Variants in CUX1 observed in about 807,000 individuals in gnomAD.
CUX1 encodes the protein protein CASP.
A neutral mutation model predicts 158.8 loss-of-function variants in CUX1; 31 were observed. The ratio of observed to expected loss-of-function variants is 0.20; its 90% CI spans 0.15 to 0.26. CUX1 has a LOEUF of 0.26. Ranked by LOEUF, CUX1 falls within the 10% of genes least tolerant of loss-of-function variation. The pLI is 1.00. For synonymous variants in CUX1, 879 were observed against 862.1 expected (o/e 1.02, Z -0.34); for missense variants, 1,589 against 2,014.6 (o/e 0.79, Z 4.04).
chr7:102,196,026 G>C (rs1471661757), intron 14 of CUX1, among the ~76,000 whole-genome samples: 1 of 152,214 alleles, frequency 6.6e-6, no homozygotes, highest in African/African-American at 2.4e-5. Flanking sequence ...TCCTTGGTCA[G>C]GTTTCCCCTG....
intron 1 of CUX1, among the ~76,000 whole-genome samples, chr7:101,819,626 T>C (rs1362103268): frequency 6.6e-6 from 1 of 152,208 alleles, no homozygotes; most frequent in Non-Finnish European, 1.5e-5. Context: ...TAGTACCCTT[T>C]ATAAAAGAGC....
chr7:102,157,507 C>T (rs574301824), intron 8 of CUX1, among the ~76,000 whole-genome samples: 50 of 152,198 alleles, frequency 3.3e-4, no homozygotes, highest in Middle Eastern at 3.4e-3. Flanking sequence ...AGGCCGGGCG[C>T]GGTGGCTTAT....
chr7:102,278,642 AAT>A (rs1165564831), intron 18 of CUX1, among the ~76,000 whole-genome samples: 1 of 88,204 alleles, frequency 1.1e-5, no homozygotes, highest in Non-Finnish European at 2.3e-5. Context: ...AATAAAATAA[AAT>A]AAAATAAAAT....
chr7:101,915,668 C>T (rs1284390373), intron 1 of CUX1, among the ~76,000 whole-genome samples: 3 of 152,066 alleles, frequency 2.0e-5, no homozygotes, highest in Non-Finnish European at 4.4e-5. Flanking sequence ...CGGAATGCCC[C>T]GAGGAGGGGA....
At chr7:102,133,005 G>A (rs1563289734) in intron 8 of CUX1, among the ~76,000 whole-genome samples, 1 of 152,036 alleles carries the variant, frequency 6.6e-6, no homozygotes. Flanking sequence ...CTCACTTCAA[G>A]ATCTTCTGAA....
chr7:102,181,332 T>G (rs1793063196), intron 11 of CUX1, among the ~76,000 whole-genome samples: 1 of 152,192 alleles, frequency 6.6e-6, no homozygotes, highest in South Asian at 2.1e-4. Context: ...TAATCTCATT[T>G]TCTCATGTTA....
chr7:102,026,792 C>T (rs1365735225), intron 2 of CUX1, among the ~76,000 whole-genome samples: 1 of 137,272 alleles, frequency 7.3e-6, no homozygotes, highest in African/African-American at 2.8e-5. Context: ...TGCACTCCAG[C>T]CTAGGCAACA....
chr7:101,834,229 A>G (rs1476234758), intron 1 of CUX1, among the ~76,000 whole-genome samples: 1 of 125,834 alleles, frequency 7.9e-6, no homozygotes, highest in Non-Finnish European at 1.5e-5. Context: ...GCTGGAGTGC[A>G]GTGGCACTAT....
Position 102,254,703 on chromosome 7 carries a change from A to G in CUX1, c.*5661A>G. 2.0e-6 allele frequency: 2 copies of G among 985,504 alleles called. No individual in the cohort carries two copies. Among genetic ancestry groups the G allele is most frequent in the Non-Finnish European group, 2.4e-6 (2 of 829,978 alleles). The allele number at this position is 985,504 out of a possible 1,614,324, so 61.0% of individuals were successfully genotyped here. On this transcript the variant is annotated 3_prime_UTR_variant, in exon 24 of 24. Transcript: ENST00000292535. ...CTGTGGTTTCACCTGGGCATCGACG[A>G]CATTAGGGAAGCCTTTGTGACCACA...
intron 1 of CUX1, among the ~76,000 whole-genome samples, chr7:101,908,261 G>A (rs1802980685): frequency 6.6e-6 from 1 of 152,196 alleles, no homozygotes; most frequent in South Asian, 2.1e-4. Context: ...CCATTACTGA[G>A]CACAGGCTCA....
chr7:101,938,278 A>G (rs564542656), intron 2 of CUX1, among the ~76,000 whole-genome samples: 29 of 152,144 alleles, frequency 1.9e-4, no homozygotes, highest in Non-Finnish European at 3.7e-4. Context: ...ACACCCAGCT[A>G]ATTTTTTGCA....
At chr7:101,920,415 C>A (rs1472088871) in intron 2 of CUX1, among the ~76,000 whole-genome samples, 1 of 152,118 alleles carries the variant, frequency 6.6e-6, no homozygotes, top group East Asian at 1.9e-4. Context: ...AGCCACCGCG[C>A]CTGGCCGTAG....
chr7:101,966,064 GTTTGTTTTGT>G (rs113064739), intron 2 of CUX1, among the ~76,000 whole-genome samples: 1 of 151,910 alleles, frequency 6.6e-6, no homozygotes, highest in Non-Finnish European at 1.5e-5. Flanking sequence ...TGATAATAGT[GTTTGTTTTGT>G]TTTGTTTTGG....
At chr7:102,222,814 T>TTTTTTTTTTTTTTTTTTTTTTG (rs1554527479) in intron 20 of CUX1, among the ~76,000 whole-genome samples, 1 of 42,358 alleles carries the variant, frequency 2.4e-5, no homozygotes, top group African/African-American at 8.1e-5. Context: ...ACCGTATCTT[T>TTTTTTTTTTTTTTTTTTTTTTG]TTTTTTTTTT....
At chr7:101,845,160 T>C (rs1584739044) in intron 1 of CUX1, among the ~76,000 whole-genome samples, 2 of 150,308 alleles carry the variant, frequency 1.3e-5, no homozygotes, top group African/African-American at 2.4e-5. Context: ...CTCTCTCTCT[T>C]TTTGAAATGG....
At chr7:102,230,498 T>G (rs372415143) in intron 21 of CUX1, among the ~76,000 whole-genome samples, 4 of 128,040 alleles carry the variant, frequency 3.1e-5, no homozygotes, top group Non-Finnish European at 6.8e-5. Context: ...AAAAAAAAAT[T>G]AAAAAAAAAA....
intron 20 of CUX1, among the ~76,000 whole-genome samples, chr7:102,207,692 TC>T (rs1404159602): frequency 1.3e-5 from 2 of 151,982 alleles, no homozygotes; most frequent in Non-Finnish European, 2.9e-5. Flanking sequence ...TCTCAGGTGA[TC>T]CCCCCACCTT....
rs1824234308 is a variant in CUX1 at position 102,057,003 on chromosome 7, G to A, written c.190-13336G>A. On this transcript the variant is annotated intron_variant, in intron 3 of 23. Coordinates refer to ENST00000292535, the MANE Select transcript of CUX1 (RefSeq NM_181552.4). ...TGCAACCTCTGCCTCCTGGGTTCAA[G>A]TGATTCTCCTGCCTCAGCCTCCCGA... 2.0e-5 allele frequency among the ~76,000 whole-genome samples: 3 copies of A among 151,706 alleles called. No homozygotes were observed. In the South Asian group the frequency reaches 6.2e-4, roughly 32 times the overall value.
At position 102,200,083 on chromosome 7, in the gene CUX1, C is replaced by T; in HGVS notation, c.1973C>T (p.Thr658Ile). Residue 658 changes from threonine (T) to isoleucine (I), a missense_variant, in exon 17 of 24, where the codon ACC becomes ATC. Thr to Ile is a moderately conservative substitution (Grantham distance 89). Around this residue, in one of 8 missense-constraint regions of CUX1, gnomAD observed 337 missense variants for 409.3 expected, o/e 0.82. Transcript: ENST00000292535. ...RRNGSEGNIT[T>I]RIRASETGSD... ...CTTCTCCCCACAGGTAACATCACCACCCGGATCCGAGCCTCGGAGACTGGC... is the reference window on the plus strand; with the variant it reads ...CTTCTCCCCACAGGTAACATCACCATCCGGATCCGAGCCTCGGAGACTGGC... The T allele has an allele frequency of 6.2e-7, 1 of 1,612,134 alleles. No homozygotes were observed. The highest frequency in any genetic ancestry group is 8.5e-7 in the Non-Finnish European group (1 of 1,179,172).
Sources: gnomAD v4.1 joint callset for allele counts (sites outside exome capture counted in the v4.1 genomes callset) on GRCh38, gnomAD v4.1.1 for gene constraint, gnomAD v4.1.1 regional missense constraint, MANE v1.5 for transcripts, NCBI Gene and HGNC (gene_info 2026-07-23, HGNC 2026-07-21) for gene names.